The following STX11 variants were observed in gnomAD, a reference collection of about 807,000 sequenced individuals.
The protein encoded by STX11 is syntaxin 11.
STX11 carries 21 observed loss-of-function variants against 19.9 expected under a neutral mutation model. That is an observed-to-expected ratio of 1.06 (90% CI 0.75 to 1.52). STX11 has a LOEUF of 1.52. Ranked by LOEUF, STX11 falls within the 40% of genes most tolerant of loss-of-function variation. STX11 has a pLI of 0.00. For synonymous variants in STX11, 193 were observed against 174.4 expected (o/e 1.11, Z -0.84); for missense variants, 438 against 405.9 (o/e 1.08, Z -0.68).
At position 144,169,497 on chromosome 6, in the gene STX11, C is replaced by A. The variant is rs1016858605; in HGVS notation, c.-5-17126C>A. On this transcript the variant is annotated intron_variant, in intron 1 of 1. Transcript: ENST00000367568. This position sits in a 1 kb window ranked among gnomAD's most constrained non-coding sequence, Gnocchi z 5.2. ...CAATTTTCAGTTCACTGTGATAGAT[C>A]TAGCATGTTTATGGCCAGCATACCA... Among the ~76,000 whole-genome samples the A allele has an allele frequency of 2.6e-5, 4 of 152,142 alleles. 1 individual carries two copies. Among genetic ancestry groups the A allele is most frequent in the African/African-American group, 9.7e-5 (4 of 41,414 alleles).
rs1801780170 is a variant in STX11 at position 144,176,467 on chromosome 6, A to G, written c.-5-10156A>G. 6.6e-6 allele frequency among the ~76,000 whole-genome samples: 1 copy of G among 152,188 alleles called. No individual in the cohort carries two copies. The highest frequency in any genetic ancestry group is 2.4e-5 in the African/African-American group (1 of 41,440). On this transcript the variant is annotated intron_variant, in intron 1 of 1. Transcript: ENST00000367568. This position sits in a 1 kb window ranked among gnomAD's most constrained non-coding sequence, Gnocchi z 4.1. ...GCACAATGACTGGTTTGGGGTGCAC[A>G]CAGTCTGTCACTGAGATTCGTTTTT...
In STX11 at chr6:144,188,283, A is replaced by G. The variant is rs982912673; in HGVS notation, c.*792A>G. 1 of 231,102 alleles carries G rather than the reference A, an allele frequency of 4.3e-6. No homozygotes were observed. Among genetic ancestry groups the G allele is most frequent in the Non-Finnish European group, 9.3e-6 (1 of 107,924 alleles). The allele number at this position is 231,102 out of a possible 1,614,324, so 14.3% of individuals were successfully genotyped here. On this transcript the variant is annotated 3_prime_UTR_variant, in exon 2 of 2. Coordinates refer to ENST00000367568, the MANE Select transcript of STX11 (RefSeq NM_003764.4). ...ATGCACATGTATGTAAATGTAAAATACTAATATTCACTAATATATGTACAT... is the reference window on the plus strand; with the variant it reads ...ATGCACATGTATGTAAATGTAAAATGCTAATATTCACTAATATATGTACAT...
Position 144,186,743 on chromosome 6 carries a change from A to G in STX11, c.116A>G (p.His39Arg), listed in dbSNP as rs765910924. 2 of 1,614,150 alleles carry G rather than the reference A, an allele frequency of 1.2e-6. No homozygotes were observed. The highest frequency in any genetic ancestry group is 2.2e-5 in the East Asian group (1 of 44,886). ...GAGGACATCGTGTTCGAGACGGACC[A>G]CATCCTGGAGTCCCTGTACCGAGAC... ...PHEDIVFETD[H>R]ILESLYRDIR... Residue 39 changes from histidine to arginine, a missense_variant, in exon 2 of 2, where the codon CAC becomes CGC. Coordinates refer to ENST00000367568, the MANE Select transcript of STX11 (RefSeq NM_003764.4).
chr6:144,183,291 C>A lies in STX11; in HGVS notation c.-5-3332C>A, dbSNP rs559076108. Among the ~76,000 whole-genome samples the A allele has an allele frequency of 2.0e-5, 3 of 152,326 alleles. No individual in the cohort carries two copies. In the East Asian group the frequency reaches 5.8e-4, roughly 29 times the overall value. The stretch of plus-strand genomic sequence containing the variant: ...TGCCTAACAGAGTATATATGCTTTT[C>A]ATGCCATTAGATAGCCTTCTAAACT... On this transcript the variant is annotated intron_variant, in intron 1 of 1. Coordinates refer to ENST00000367568, the MANE Select transcript of STX11 (RefSeq NM_003764.4). This position sits in a 1 kb window ranked among gnomAD's most constrained non-coding sequence, Gnocchi z 4.6.
rs187033137 is a variant in STX11 at position 144,167,181 on chromosome 6, G to C, written c.-6+16478G>C. Among the ~76,000 whole-genome samples, 1 of 152,150 alleles carries C rather than the reference G, an allele frequency of 6.6e-6. No individual in the cohort carries two copies. The highest frequency in any genetic ancestry group is 1.5e-5 in the Non-Finnish European group (1 of 68,030). On this transcript the variant is annotated intron_variant, in intron 1 of 1. Coordinates refer to ENST00000367568, the MANE Select transcript of STX11 (RefSeq NM_003764.4). The surrounding 1 kb of genome is among the most constrained non-coding windows in gnomAD (Gnocchi z 5.0). ...TATCATTGGTTATTTTATAGAATTA[G>C]TATATATAGTTGTATTAGATGATGG...
At position 144,172,159 on chromosome 6, in the gene STX11, T is replaced by A. The variant is rs1034972630; in HGVS notation, c.-5-14464T>A. On this transcript the variant is annotated intron_variant, in intron 1 of 1. Transcript: ENST00000367568. The surrounding 1 kb of genome is among the most constrained non-coding windows in gnomAD (Gnocchi z 4.2). Reference sequence around the variant, plus strand: ...GGTGTATCAGGTAGCTTTGTCAGTATAACAAGCCACCCCCAAATAACAATT... The same window carrying A: ...GGTGTATCAGGTAGCTTTGTCAGTAAAACAAGCCACCCCCAAATAACAATT... Among the ~76,000 whole-genome samples, 1 of 152,162 alleles carries A rather than the reference T, an allele frequency of 6.6e-6. No individual in the cohort carries two copies. Among genetic ancestry groups the A allele is most frequent in the African/African-American group, 2.4e-5 (1 of 41,452 alleles).
At chr6:144,171,458 A>C (rs1178014208) in intron 1 of STX11, among the ~76,000 whole-genome samples, 1 of 152,214 alleles carries the variant, frequency 6.6e-6, no homozygotes, top group Non-Finnish European at 1.5e-5. Flanking sequence ...CTGTGCCTAC[A>C]TACTGTTTAT....
rs144612602 is a variant in STX11, at chr6:144,162,204, C to G, written c.-6+11501C>G. The stretch of plus-strand genomic sequence containing the variant: ...CAAACCCAACTTGTTATTACCCCAC[C>G]ATCACGCCCTTTCCCGTAGATACTC... On this transcript the variant is annotated intron_variant, in intron 1 of 1. Coordinates refer to ENST00000367568, the MANE Select transcript of STX11 (RefSeq NM_003764.4). This position sits in a 1 kb window ranked among gnomAD's most constrained non-coding sequence, Gnocchi z 4.6. Among the ~76,000 whole-genome samples the G allele has an allele frequency of 6.6e-6, 1 of 152,330 alleles. No homozygotes were observed. Among genetic ancestry groups the G allele is most frequent in the Admixed American group, 6.5e-5 (1 of 15,298 alleles).
Position 144,184,626 on chromosome 6 carries a change from G to A in STX11, c.-5-1997G>A, listed in dbSNP as rs906719067. On this transcript the variant is annotated intron_variant, in intron 1 of 1. Coordinates refer to ENST00000367568, the MANE Select transcript of STX11 (RefSeq NM_003764.4). The surrounding 1 kb of genome is among the most constrained non-coding windows in gnomAD (Gnocchi z 6.5). ...AGTGGTGCTATTCTAACGCCTGAGTGTTCACTTACTGATGACCTTGAGTAA... is the reference window on the plus strand; with the variant it reads ...AGTGGTGCTATTCTAACGCCTGAGTATTCACTTACTGATGACCTTGAGTAA... Among the ~76,000 whole-genome samples, 6 of 152,148 alleles carry A rather than the reference G, an allele frequency of 3.9e-5. No homozygotes were observed. The highest frequency in any genetic ancestry group is 1.3e-4 in the Admixed American group (2 of 15,272).
In STX11 at chr6:144,189,828, C is replaced by T. The variant is rs1802169531; in HGVS notation, c.*2337C>T. On this transcript the variant is annotated 3_prime_UTR_variant, in exon 2 of 2. Coordinates refer to ENST00000367568, the MANE Select transcript of STX11 (RefSeq NM_003764.4). ...CAGCCAACTCCAAGGATATGTATCA[C>T]CTTTGACTTAATTTGCTTTCTCTAA... Among the ~76,000 whole-genome samples, 1 of 152,118 alleles carries T rather than the reference C, an allele frequency of 6.6e-6. No homozygotes were observed. Among genetic ancestry groups the T allele is most frequent in the African/African-American group, 2.4e-5 (1 of 41,420 alleles).
At chr6:144,148,464 CTG>C (rs145328746), upstream of STX11, among the ~76,000 whole-genome samples, 319 of 152,164 alleles carry the variant, frequency 2.1e-3, 4 homozygotes, top group East Asian at 0.041. Context: ...TTAAAATAAA[CTG>C]TATTTTTTAG....
intron 1 of STX11, among the ~76,000 whole-genome samples, chr6:144,156,779 C>A (rs991684897): frequency 6.6e-6 from 1 of 152,238 alleles, no homozygotes; most frequent in Non-Finnish European, 1.5e-5. Context: ...CTCCTCCCCT[C>A]TTCCTTGACT....
chr6:144,179,946 G>T (rs973113131), intron 1 of STX11, among the ~76,000 whole-genome samples: 2 of 152,134 alleles, frequency 1.3e-5, no homozygotes, highest in African/African-American at 4.8e-5. Context: ...TGGGGACAGG[G>T]TCTGTTTTGC....
At chr6:144,178,784 C>T (rs1246557901) in intron 1 of STX11, among the ~76,000 whole-genome samples, 1 of 152,036 alleles carries the variant, frequency 6.6e-6, no homozygotes, top group Admixed American at 6.6e-5. Context: ...TTGAATGAGC[C>T]CTAAGACAAT....
chr6:144,157,764 C>A (rs1024388513), intron 1 of STX11, among the ~76,000 whole-genome samples: 2 of 152,102 alleles, frequency 1.3e-5, no homozygotes, highest in Non-Finnish European at 2.9e-5. Flanking sequence ...CTGTGGCTAT[C>A]CAGACCCAGA....
At position 144,152,544 on chromosome 6, in the gene STX11, C is replaced by T. The variant is rs556313030; in HGVS notation, c.-6+1841C>T. Among the ~76,000 whole-genome samples, 1 of 152,170 alleles carries T rather than the reference C, an allele frequency of 6.6e-6. No individual in the cohort carries two copies. ...TTTAATAACCATGTAAAACGAAATTCAGCTGATTATCACCCCTGGACAATT... is the reference window on the plus strand; with the variant it reads ...TTTAATAACCATGTAAAACGAAATTTAGCTGATTATCACCCCTGGACAATT... On this transcript the variant is annotated intron_variant, in intron 1 of 1. Transcript: ENST00000367568. This position sits in a 1 kb window ranked among gnomAD's most constrained non-coding sequence, Gnocchi z 4.9.
At chr6:144,140,252 A>ATT in the STX11 span, among the ~76,000 whole-genome samples, 72 of 51,852 alleles carry the variant, frequency 1.4e-3, no homozygotes, top group African/African-American at 5.9e-3. Context: ...ATATATATAT[A>ATT]TATTTATTTA....
rs1285305579 is a variant in STX11, at chr6:144,159,744, G to A, written c.-6+9041G>A. Among the ~76,000 whole-genome samples the A allele has an allele frequency of 6.6e-6, 1 of 152,198 alleles. No individual in the cohort carries two copies. Among genetic ancestry groups the A allele is most frequent in the Non-Finnish European group, 1.5e-5 (1 of 68,034 alleles). On this transcript the variant is annotated intron_variant, in intron 1 of 1. Coordinates refer to ENST00000367568, the MANE Select transcript of STX11 (RefSeq NM_003764.4). This position sits in a 1 kb window ranked among gnomAD's most constrained non-coding sequence, Gnocchi z 4.3. ...CTGAAAATCATGAACTTACATCACAGCCTTTTAAAAATTAATCTCAAGGAT... is the reference window on the plus strand; with the variant it reads ...CTGAAAATCATGAACTTACATCACAACCTTTTAAAAATTAATCTCAAGGAT...
rs1801887061 is a variant in STX11 at position 144,180,577 on chromosome 6, T to C, written c.-5-6046T>C. ...TCCTCATTTTCTCTTGCCACCACAA[T>C]GTAAGAAGTGCCTTTCACCTCCCAC... is the stretch of plus-strand genomic sequence containing the variant. On this transcript the variant is annotated intron_variant, in intron 1 of 1. Transcript: ENST00000367568. This position sits in a 1 kb window ranked among gnomAD's most constrained non-coding sequence, Gnocchi z 5.3. Among the ~76,000 whole-genome samples, 2 of 152,194 alleles carry C rather than the reference T, an allele frequency of 1.3e-5. No homozygotes were observed. Among genetic ancestry groups the C allele is most frequent in the African/African-American group, 4.8e-5 (2 of 41,444 alleles).
Sources: allele counts gnomAD v4.1 joint callset (sites outside exome capture counted in the v4.1 genomes callset), GRCh38; gene constraint gnomAD v4.1.1; non-coding constraint Gnocchi (gnomAD v3.1); transcripts MANE v1.5; gene names NCBI Gene and HGNC (gene_info 2026-07-23, HGNC 2026-07-21).